PTPRD: variants seen among roughly 807,000 people sequenced by gnomAD.
PTPRD encodes the protein protein tyrosine phosphatase receptor type D, also known as receptor-type tyrosine-protein phosphatase delta.
Under a neutral mutation model 214.5 loss-of-function variants are expected in PTPRD, and 34 were observed. The ratio of observed to expected loss-of-function variants is 0.16; its 90% confidence interval spans 0.12 to 0.21. The LOEUF (loss-of-function observed/expected upper bound fraction) is 0.21. Among genes scored for constraint, PTPRD ranks in the 10% least tolerant of loss-of-function variants. The pLI, the probability that PTPRD is intolerant of heterozygous loss-of-function variation, is 1.00. For missense variants in PTPRD, 2,545 were observed against 2,398.7 expected, an observed-to-expected ratio of 1.06 and a Z score of -1.27; for synonymous variants, 1,128 against 845.7, an observed-to-expected ratio of 1.33 and a Z score of -5.79.
At position 10,545,522 on chromosome 9, in the gene PTPRD, T is replaced by C. The variant is rs182715831; in HGVS notation, c.-600+66876A>G. Among the ~76,000 whole-genome samples the C allele has an allele frequency of 1.2e-4, 19 of 152,308 alleles. No individual in the cohort carries two copies. In the South Asian group the frequency reaches 1.4e-3, roughly 12 times the overall value. On this transcript the variant is annotated intron_variant, in intron 2 of 45. Coordinates refer to ENST00000381196, the MANE Select transcript of PTPRD (RefSeq NM_002839.4). ...AAAGTTTATTTTAATCCCTTGTTTA[T>C]TTATTGATTGATTTTGTATTTATTT... is the stretch of plus-strand genomic sequence containing the variant.
At chr9:8,460,232 A>G in intron 33 of PTPRD, 179 bp downstream of exon 33, 1 of 783,114 alleles carries the variant, frequency 1.3e-6, no homozygotes, top group South Asian at 1.5e-5. Flanking sequence ...ATAAGATTCC[A>G]AATAGTACAG....
chr9:10,063,669 T>G (rs1463721356), intron 3 of PTPRD, among the ~76,000 whole-genome samples: 3 of 152,026 alleles, frequency 2.0e-5, no homozygotes, highest in Non-Finnish European at 2.9e-5. Flanking sequence ...ATACACAATT[T>G]GGTAAATTAC....
intron 3 of PTPRD, among the ~76,000 whole-genome samples, chr9:10,129,298 A>G (rs2098841477): frequency 6.6e-6 from 1 of 152,072 alleles, no homozygotes; most frequent in South Asian, 2.1e-4. Context: ...GATTTTCAAG[A>G]GCACTTTGAG....
chr9:8,760,341 C>A (rs2094332533), intron 11 of PTPRD, among the ~76,000 whole-genome samples: 1 of 152,016 alleles, frequency 6.6e-6, no homozygotes, highest in South Asian at 2.1e-4. Flanking sequence ...TAAGTGAGAT[C>A]AATATTCATG....
chr9:9,673,896 C>G (rs867612974), intron 7 of PTPRD, among the ~76,000 whole-genome samples: 1 of 151,562 alleles, frequency 6.6e-6, no homozygotes, highest in Non-Finnish European at 1.5e-5. Context: ...TTAAAGTACT[C>G]GATAGAAGTA....
At chr9:9,290,250 A>G (rs1019308019) in intron 9 of PTPRD, among the ~76,000 whole-genome samples, 14 of 151,842 alleles carry the variant, frequency 9.2e-5, no homozygotes, top group Admixed American at 6.6e-4. Flanking sequence ...GGTTATTTGT[A>G]TGTCTTCCTT....
At chr9:8,861,465 T>A (rs1298399018) in intron 11 of PTPRD, 1 of 152,218 alleles carries the variant, frequency 6.6e-6, no homozygotes, top group Non-Finnish European at 1.5e-5. Flanking sequence ...ACTTCCTTTT[T>A]GATCATGTGG....
intron 11 of PTPRD, among the ~76,000 whole-genome samples, chr9:8,928,290 TGA>T (rs2154277943): frequency 6.6e-6 from 1 of 152,328 alleles, no homozygotes; most frequent in Non-Finnish European, 1.5e-5. Context: ...GCCTATGTCC[TGA>T]AAAGGATTGC....
intron 4 of PTPRD, among the ~76,000 whole-genome samples, chr9:9,986,280 G>T (rs945003710): frequency 6.6e-6 from 1 of 152,058 alleles, no homozygotes; most frequent in African/African-American, 2.4e-5. Context: ...ATAGTAAAAG[G>T]TGTAAACATC....
At chr9:9,007,728 T>TC (rs201948714) in intron 11 of PTPRD, among the ~76,000 whole-genome samples, 3 of 102,728 alleles carry the variant, frequency 2.9e-5, no homozygotes, top group Non-Finnish European at 6.8e-5. Flanking sequence ...GTTACTTGGA[T>TC]CCTTTTTTTT....
chr9:10,074,933 G>T (rs1158688885), intron 3 of PTPRD, among the ~76,000 whole-genome samples: 1 of 152,088 alleles, frequency 6.6e-6, no homozygotes, highest in Non-Finnish European at 1.5e-5. Flanking sequence ...AAGTTTTTGA[G>T]AAATATTACT....
chr9:8,676,051 T>C (rs143307435), intron 12 of PTPRD, among the ~76,000 whole-genome samples: 2 of 152,292 alleles, frequency 1.3e-5, no homozygotes, highest in African/African-American at 4.8e-5. Flanking sequence ...GTGCCTTTCA[T>C]ACAAACCTAT....
At chr9:8,839,903 T>C (rs375875807) in intron 11 of PTPRD, among the ~76,000 whole-genome samples, 5 of 152,158 alleles carry the variant, frequency 3.3e-5, no homozygotes, top group African/African-American at 1.2e-4. Flanking sequence ...TATGGTAAAA[T>C]GATAACTGAT....
At chr9:8,398,944 C>G (rs1236649200) in intron 36 of PTPRD, among the ~76,000 whole-genome samples, 2 of 152,064 alleles carry the variant, frequency 1.3e-5, no homozygotes, top group Non-Finnish European at 2.9e-5. Context: ...TAAAAAAAAT[C>G]AGATTAATAA....
Position 9,109,570 on chromosome 9 carries a change from T to G in PTPRD, c.-143+73734A>C, listed in dbSNP as rs544481779. 1.4e-4 allele frequency among the ~76,000 whole-genome samples: 22 copies of G among 152,158 alleles called. No homozygotes were observed. In the East Asian group the frequency reaches 4.3e-3, roughly 30 times the overall value. ...TGGCCATCAATATAATTGTTAATAC[T>G]AATAATCATAACAGTTATACTGCAG... On this transcript the variant is annotated intron_variant, in intron 10 of 45. Coordinates refer to ENST00000381196, the MANE Select transcript of PTPRD (RefSeq NM_002839.4).
At chr9:10,372,227 A>T (rs1309711579) in intron 2 of PTPRD, among the ~76,000 whole-genome samples, 4 of 152,144 alleles carry the variant, frequency 2.6e-5, no homozygotes, top group African/African-American at 9.7e-5. Context: ...CCTCTCCTTT[A>T]GATTTCCACG....
At chr9:10,164,379 G>A (rs1036679665) in intron 3 of PTPRD, among the ~76,000 whole-genome samples, 1 of 151,368 alleles carries the variant, frequency 6.6e-6, no homozygotes, top group African/African-American at 2.4e-5. Flanking sequence ...CTAGTCATGA[G>A]TTTTCCAGAT....
At chr9:10,212,550 T>C (rs929495002) in intron 3 of PTPRD, among the ~76,000 whole-genome samples, 1 of 152,158 alleles carries the variant, frequency 6.6e-6, no homozygotes, top group Non-Finnish European at 1.5e-5. Context: ...AAGAATGACA[T>C]CCTATAGTTT....
intron 12 of PTPRD, among the ~76,000 whole-genome samples, chr9:8,662,677 C>T (rs2097088052): frequency 6.6e-6 from 1 of 152,212 alleles, no homozygotes; most frequent in Non-Finnish European, 1.5e-5. Flanking sequence ...ATACTCCCTA[C>T]TGCCTTTCCC....
Sources: allele counts gnomAD v4.1 joint callset (sites outside exome capture counted in the v4.1 genomes callset), GRCh38; gene constraint gnomAD v4.1.1; transcripts MANE v1.5; gene names NCBI Gene and HGNC (gene_info 2026-07-23, HGNC 2026-07-21).